The following SMYD3 variants were observed in gnomAD, a reference collection of about 807,000 sequenced individuals.
The protein encoded by SMYD3 is SET and MYND domain containing 3, also known as histone-lysine N-methyltransferase SMYD3.
Under a neutral mutation model 57.7 loss-of-function variants are expected in SMYD3, and 36 were observed. The ratio of observed to expected loss-of-function variants is 0.62; its 90% CI spans 0.48 to 0.82. The LOEUF (loss-of-function observed/expected upper bound fraction) is 0.82, where lower values mean the gene tolerates loss of function less well. SMYD3 is among the 40% of genes least tolerant of loss of function. The pLI, the probability that SMYD3 is intolerant of heterozygous loss-of-function variation, is 0.00. For synonymous variants in SMYD3, 211 were observed against 195.0 expected, an observed-to-expected ratio of 1.08 and a Z score of -0.68; for missense variants, 515 against 538.8, an observed-to-expected ratio of 0.96 and a Z score of 0.44.
chr1:245,801,053 G>T (rs1356617979), intron 10 of SMYD3, among the ~76,000 whole-genome samples: 2 of 152,050 alleles, frequency 1.3e-5, no homozygotes, highest in South Asian at 2.1e-4. Context: ...TATGCAGGGG[G>T]GCCAGAACTG....
chr1:246,265,828 T>G (rs1203730064), intron 5 of SMYD3, among the ~76,000 whole-genome samples: 4 of 152,202 alleles, frequency 2.6e-5, no homozygotes, highest in Non-Finnish European at 5.9e-5. Context: ...TAGGATTATA[T>G]GAAAGTAACT....
rs1026750416 is a variant in SMYD3, at chr1:246,307,641, G to A, written c.531+19560C>T. Among the ~76,000 whole-genome samples, 5 of 151,878 alleles carry A rather than the reference G, an allele frequency of 3.3e-5. No homozygotes were observed. In the South Asian group the frequency reaches 6.2e-4, roughly 19 times the overall value. ...TCACCGTTTTAGCCGGGATGGTCTC[G>A]ATCTCCTGACCTCATGATCCGCCCG... On this transcript the variant is annotated intron_variant, in intron 5 of 11. Coordinates refer to ENST00000490107, the MANE Select transcript of SMYD3 (RefSeq NM_001167740.2).
intron 8 of SMYD3, among the ~76,000 whole-genome samples, chr1:245,914,084 T>A (rs1176829028): frequency 1.3e-5 from 2 of 152,132 alleles, no homozygotes; most frequent in African/African-American, 4.8e-5. Flanking sequence ...AAAAGACACC[T>A]AGGAATAAAT....
chr1:245,889,868 ATGGTAC>A (rs2053285798), intron 8 of SMYD3, among the ~76,000 whole-genome samples: 1 of 152,218 alleles, frequency 6.6e-6, no homozygotes, highest in Admixed American at 6.5e-5. Context: ...CCAAAACAGC[ATGGTAC>A]TGGCATAAAA....
At chr1:246,188,869 A>G (rs2062688728) in intron 5 of SMYD3, 1 of 151,918 alleles carries the variant, frequency 6.6e-6, no homozygotes, top group Non-Finnish European at 1.5e-5. Flanking sequence ...GCTAGTGAGG[A>G]GGATCACTGG....
At chr1:246,504,971 A>C (rs2068513943) in intron 1 of SMYD3, among the ~76,000 whole-genome samples, 1 of 152,238 alleles carries the variant, frequency 6.6e-6, no homozygotes, top group African/African-American at 2.4e-5. Context: ...AGTGATTCCC[A>C]ACCAGGCTCT....
chr1:245,797,814 T>G (rs937966974), intron 10 of SMYD3, among the ~76,000 whole-genome samples: 2 of 126,316 alleles, frequency 1.6e-5, no homozygotes, highest in East Asian at 2.4e-4. Flanking sequence ...GTCCTCTCAA[T>G]TGCTTCCGGG....
chr1:245,942,273 G>A (rs945387051), intron 5 of SMYD3, among the ~76,000 whole-genome samples: 2 of 152,210 alleles, frequency 1.3e-5, no homozygotes, highest in East Asian at 1.9e-4. Context: ...AAAATAAAGG[G>A]ATACAGGAAA....
intron 1 of SMYD3, among the ~76,000 whole-genome samples, chr1:246,464,080 TGAA>T (rs1328234646): frequency 6.6e-6 from 1 of 152,054 alleles, no homozygotes; most frequent in Non-Finnish European, 1.5e-5. Flanking sequence ...AATTTGGTTA[TGAA>T]GAAGAGATGG....
At chr1:246,114,453 T>G (rs2061309402) in intron 5 of SMYD3, among the ~76,000 whole-genome samples, 1 of 152,172 alleles carries the variant, frequency 6.6e-6, no homozygotes, top group South Asian at 2.1e-4. Flanking sequence ...AACAACCTGC[T>G]TGTACAACAT....
At chr1:246,255,449 T>A (rs974634123) in intron 5 of SMYD3, among the ~76,000 whole-genome samples, 7 of 152,034 alleles carry the variant, frequency 4.6e-5, no homozygotes, top group Non-Finnish European at 4.4e-5. Flanking sequence ...ATGGTCTTTA[T>A]TTTTAATACT....
chr1:246,248,102 T>A (rs75266470), intron 5 of SMYD3, among the ~76,000 whole-genome samples: 3,753 of 152,264 alleles, frequency 0.025, 150 homozygotes, highest in African/African-American at 0.085. Context: ...GAAACTGTAT[T>A]TGGAGTAAAA....
chr1:246,126,108 G>A (rs1041131083), intron 5 of SMYD3, among the ~76,000 whole-genome samples: 2 of 152,166 alleles, frequency 1.3e-5, no homozygotes, highest in East Asian at 1.9e-4. Flanking sequence ...TACACACAGC[G>A]CAGTGCCGTG....
chr1:246,248,202 A>G (rs1400252802), intron 5 of SMYD3, among the ~76,000 whole-genome samples: 1 of 152,208 alleles, frequency 6.6e-6, no homozygotes, highest in Admixed American at 6.5e-5. Context: ...GTTGGAGCCA[A>G]TATGACAAGA....
intron 5 of SMYD3, chr1:245,930,639 A>G (rs2056657625): frequency 6.5e-6 from 1 of 153,260 alleles, no homozygotes; most frequent in African/African-American, 2.4e-5. Flanking sequence ...AACCATGGAA[A>G]GAGCACTGGA....
At chr1:246,386,964 T>C (rs1251793955) in intron 1 of SMYD3, among the ~76,000 whole-genome samples, 5 of 151,974 alleles carry the variant, frequency 3.3e-5, no homozygotes, top group African/African-American at 4.8e-5. Flanking sequence ...CTTCGAGGTA[T>C]AGGCCAGTAC....
At chr1:246,285,001 G>A (rs1238552044) in intron 5 of SMYD3, among the ~76,000 whole-genome samples, 3 of 151,018 alleles carry the variant, frequency 2.0e-5, no homozygotes, top group Non-Finnish European at 4.4e-5. Flanking sequence ...TGGGGAACAG[G>A]TGGTATTTGG....
rs140716351 is a variant in SMYD3 at position 245,771,175 on chromosome 1, C to T, written c.1077-7026G>A. 2.4e-3 allele frequency among the ~76,000 whole-genome samples: 368 copies of T among 151,456 alleles called. 2 individuals are homozygous for T. The East Asian group carries it at 0.03, about 12-fold the overall frequency. ...ACATACATACATATGGCTGTAATGGCGGAACATTTTCAAAACTAAAGACAG... is the reference window on the plus strand; with the variant it reads ...ACATACATACATATGGCTGTAATGGTGGAACATTTTCAAAACTAAAGACAG... On this transcript the variant is annotated intron_variant, in intron 10 of 11. Transcript: ENST00000490107.
At position 246,134,603 on chromosome 1, in the gene SMYD3, C is replaced by T. The variant is rs199899705; in HGVS notation, c.531+192598G>A. Among the ~76,000 whole-genome samples the T allele has an allele frequency of 6.6e-5, 10 of 152,094 alleles. No homozygotes were observed. The East Asian group carries it at 1.5e-3, about 23-fold the overall frequency. On this transcript the variant is annotated intron_variant, in intron 5 of 11. Coordinates refer to ENST00000490107, the MANE Select transcript of SMYD3 (RefSeq NM_001167740.2). Reference sequence around the variant, plus strand: ...ATGTGCTTAGCTTTCCACAGTTTCTCAAAAGAATCTGTGAATCAAAAGAAG... The same window carrying T: ...ATGTGCTTAGCTTTCCACAGTTTCTTAAAAGAATCTGTGAATCAAAAGAAG...
Sources: gnomAD v4.1 joint callset for allele counts (sites outside exome capture counted in the v4.1 genomes callset) on GRCh38, gnomAD v4.1.1 for gene constraint, MANE v1.5 for transcripts, NCBI Gene and HGNC (gene_info 2026-07-23, HGNC 2026-07-21) for gene names.